CLYBL: variants seen among roughly 807,000 people sequenced by gnomAD.
CLYBL encodes the protein citramalyl-CoA lyase, mitochondrial.
CLYBL carries 31 observed loss-of-function variants against 38.9 expected under a neutral mutation model. The ratio of observed to expected loss-of-function variants is 0.80; its 90% CI spans 0.60 to 1.08. The LOEUF (loss-of-function observed/expected upper bound fraction) is 1.08, where lower values mean the gene tolerates loss of function less well. Ranked by LOEUF, CLYBL falls within the 50% of genes least tolerant of loss-of-function variation. CLYBL has a pLI of 0.00. For missense variants in CLYBL, 434 were observed against 411.6 expected (o/e 1.05, Z -0.47); for synonymous variants, 171 against 158.6 (o/e 1.08, Z -0.59).
chr13:99,736,008 C>T (rs1358714322), intron 1 of CLYBL, among the ~76,000 whole-genome samples: 4 of 146,224 alleles, frequency 2.7e-5, no homozygotes, highest in Non-Finnish European at 6.0e-5. Flanking sequence ...TTGTTTGAAA[C>T]AGAATTACTA....
intron 2 of CLYBL, among the ~76,000 whole-genome samples, chr13:99,848,770 G>T (rs944191235): frequency 6.6e-6 from 1 of 152,206 alleles, no homozygotes; most frequent in African/African-American, 2.4e-5. Flanking sequence ...AAAACACAGA[G>T]TAAAAGTGGG....
At chr13:99,737,961 T>A (rs527892600) in intron 1 of CLYBL, among the ~76,000 whole-genome samples, 2 of 152,242 alleles carry the variant, frequency 1.3e-5, no homozygotes. Context: ...TCCCAGGCAA[T>A]GAGAAATGAG....
intron 6 of CLYBL, among the ~76,000 whole-genome samples, chr13:99,868,590 T>A (rs2051809041): frequency 6.6e-6 from 1 of 152,216 alleles, no homozygotes; most frequent in Admixed American, 6.5e-5. Context: ...TTAAAAATGA[T>A]ACATATTTTT....
chr13:99,640,393 GTATCAGA>G (rs2047076433), intron 1 of CLYBL, among the ~76,000 whole-genome samples: 1 of 152,144 alleles, frequency 6.6e-6, no homozygotes, highest in Non-Finnish European at 1.5e-5. Flanking sequence ...GTTTATTGTT[GTATCAGA>G]TATCCTTTTG....
intron 2 of CLYBL, among the ~76,000 whole-genome samples, chr13:99,799,707 A>C (rs933737130): frequency 2.6e-5 from 4 of 152,262 alleles, no homozygotes; most frequent in African/African-American, 9.6e-5. Context: ...CATGGCAGAT[A>C]ATCACATGGG....
intron 6 of CLYBL, 89 bp downstream of exon 6, chr13:99,866,496 C>T: frequency 9.2e-7 from 1 of 1,087,660 alleles, no homozygotes; most frequent in East Asian, 2.5e-5. Context: ...CTAATCTCAT[C>T]AGATATCTCC....
At chr13:99,743,631 A>G (rs2048795290) in intron 1 of CLYBL, among the ~76,000 whole-genome samples, 1 of 152,218 alleles carries the variant, frequency 6.6e-6, no homozygotes, top group Non-Finnish European at 1.5e-5. Flanking sequence ...CGCTTTGGAA[A>G]GCAGCTGTGA....
Position 99,857,036 on chromosome 13 carries a change from C to T in CLYBL, c.250-1825C>T, listed in dbSNP as rs558654013. Among the ~76,000 whole-genome samples, 276 of 151,854 alleles carry T rather than the reference C, an allele frequency of 1.8e-3. 2 individuals carry two copies. Among genetic ancestry groups the T allele is most frequent in the African/African-American group, 6.4e-3 (264 of 41,428 alleles). ...CCTTTAAGATTTTCGTATTTAGGGCCGGGCACCGTGGCTCACACCTGTAAT... is the reference window on the plus strand; with the variant it reads ...CCTTTAAGATTTTCGTATTTAGGGCTGGGCACCGTGGCTCACACCTGTAAT... On this transcript the variant is annotated intron_variant, in intron 2 of 8. Transcript: ENST00000339105.
intron 2 of CLYBL, among the ~76,000 whole-genome samples, chr13:99,793,258 A>G (rs1413928028): frequency 2.0e-5 from 3 of 152,180 alleles, no homozygotes; most frequent in Non-Finnish European, 2.9e-5. Context: ...AAATGTATAC[A>G]GGGGCATGGG....
chr13:99,641,021 CATT>C (rs2047084904), intron 1 of CLYBL, among the ~76,000 whole-genome samples: 2 of 152,286 alleles, frequency 1.3e-5, no homozygotes, highest in East Asian at 1.9e-4. Flanking sequence ...ATAGAATTCT[CATT>C]AGTTGGTTTT....
intron 1 of CLYBL, among the ~76,000 whole-genome samples, chr13:99,673,535 G>A (rs1030002669): frequency 2.0e-5 from 3 of 152,206 alleles, no homozygotes; most frequent in African/African-American, 7.2e-5. Flanking sequence ...AAGTTTGAAG[G>A]AGAGGAAGGA....
intron 1 of CLYBL, among the ~76,000 whole-genome samples, chr13:99,611,586 A>G (rs9513641): frequency 0.31 from 46,621 of 152,140 alleles, 8,504 homozygotes; most frequent in Non-Finnish European, 0.41. Context: ...ATAATCGCCT[A>G]TAGTTTTCTG....
Position 99,866,348 on chromosome 13 carries a change from T to G in CLYBL, c.743T>G (p.Phe248Cys), listed in dbSNP as rs1201112769. ...GCCATAGATCTGGTGTACATTGACT[T>G]TCGAGATGGAGCTGGGCTGCTTAGA... is the stretch of plus-strand genomic sequence containing the variant. ...LQAIDLVYID[F>C]RDGAGLLRQS... is the part of the protein sequence containing the mutation. The change falls in exon 6 of 9, where the codon TTT becomes TGT. Residue 248 changes from phenylalanine to cysteine, a missense_variant. Coordinates refer to ENST00000339105, the MANE Select transcript of CLYBL (RefSeq NM_206808.5). 2 of 1,614,174 alleles carry G rather than the reference T, an allele frequency of 1.2e-6. No individual in the cohort carries two copies. Among genetic ancestry groups the G allele is most frequent in the Non-Finnish European group, 1.7e-6 (2 of 1,180,036 alleles).
chr13:99,652,955 C>T (rs2047276872), intron 1 of CLYBL, among the ~76,000 whole-genome samples: 1 of 152,168 alleles, frequency 6.6e-6, no homozygotes, highest in South Asian at 2.1e-4. Flanking sequence ...GAGACACACC[C>T]TAAAAGCAGA....
chr13:99,709,979 A>G (rs1467651919), intron 1 of CLYBL, among the ~76,000 whole-genome samples: 3 of 131,860 alleles, frequency 2.3e-5, no homozygotes, highest in Non-Finnish European at 4.6e-5. Context: ...TCTGGAGTGC[A>G]GTGGCGCTAT....
intron 2 of CLYBL, among the ~76,000 whole-genome samples, chr13:99,833,416 T>C (rs2050864259): frequency 6.6e-6 from 1 of 152,090 alleles, no homozygotes; most frequent in Non-Finnish European, 1.5e-5. Flanking sequence ...AATGTTATAT[T>C]ACATTAGAAT....
intron 2 of CLYBL, among the ~76,000 whole-genome samples, chr13:99,848,688 G>A (rs1161251959): frequency 1.3e-5 from 2 of 152,196 alleles, no homozygotes; most frequent in African/African-American, 2.4e-5. Flanking sequence ...CCCACAGATT[G>A]TCCCGGCTCC....
At chr13:99,656,968 G>A (rs939269460) in intron 1 of CLYBL, among the ~76,000 whole-genome samples, 3 of 152,190 alleles carry the variant, frequency 2.0e-5, no homozygotes, top group Admixed American at 6.5e-5. Flanking sequence ...TTCATCATCC[G>A]TTCTGATGTT....
At chr13:99,905,740 A>G (rs923178413) in intron 9 of CLYBL, among the ~76,000 whole-genome samples, 3 of 136,276 alleles carry the variant, frequency 2.2e-5, no homozygotes, top group African/African-American at 8.1e-5. Context: ...TTTTTAGATC[A>G]AACATGTTTT....
Sources: gnomAD v4.1 joint callset for allele counts (sites outside exome capture counted in the v4.1 genomes callset) on GRCh38, gnomAD v4.1.1 for gene constraint, MANE v1.5 for transcripts, NCBI Gene and HGNC (gene_info 2026-07-23, HGNC 2026-07-21) for gene names.